Variants in DPYSL4 observed in about 807,000 individuals in gnomAD.
The protein encoded by DPYSL4 is dihydropyrimidinase like 4.
A neutral mutation model predicts 63.4 loss-of-function variants in DPYSL4; 43 were observed. The ratio of observed to expected loss-of-function variants is 0.68; its 90% confidence interval spans 0.53 to 0.88. DPYSL4 has a LOEUF of 0.88. DPYSL4 is among the 40% of genes least tolerant of loss of function. The probability of loss-of-function intolerance (pLI) is 0.00; values close to 1 mark genes in which losing one functional copy is unlikely to be tolerated. For synonymous variants in DPYSL4, 353 were observed against 331.7 expected (o/e 1.06, Z -0.70); for missense variants, 733 against 819.5 (o/e 0.89, Z 1.29).
intron 13 of DPYSL4, 150 bp from the exon 14 acceptor site, chr10:132,204,688 TG>T: frequency 1.7e-6 from 1 of 572,472 alleles, no homozygotes. Context: ...GCCGGGCACC[TG>T]GTCTGCTTGG....
chr10:132,198,302 G>T, intron 6 of DPYSL4, 113 bp from the exon 7 acceptor site: 1 of 958,356 alleles, frequency 1.0e-6, no homozygotes, highest in South Asian at 1.6e-5. Context: ...AATTCTGGGA[G>T]GCCTGGGGGT....
chr10:132,194,182 G>A (rs1356572689), intron 3 of DPYSL4, among the ~76,000 whole-genome samples: 1 of 152,274 alleles, frequency 6.6e-6, no homozygotes, highest in Non-Finnish European at 1.5e-5. Context: ...ATCTTGTTGG[G>A]ATGAGTAGGG....
intron 2 of DPYSL4, among the ~76,000 whole-genome samples, chr10:132,191,319 C>T (rs536469347): frequency 6.8e-6 from 1 of 146,682 alleles, no homozygotes; most frequent in Non-Finnish European, 1.5e-5. Flanking sequence ...CTCTTGTGTA[C>T]ACACTGGCCA....
rs138749455 is a variant in DPYSL4 at position 132,193,486 on chromosome 10, G to A, written c.313+644G>A. ...TTTAACAGGTGGGTGAGTGGAGTCC[G>A]CCTGCCCACCACGAGCACGTGGTGA... On this transcript the variant is annotated intron_variant, in intron 3 of 13. Transcript: ENST00000338492. Among the ~76,000 whole-genome samples, 7 of 152,316 alleles carry A rather than the reference G, an allele frequency of 4.6e-5. No homozygotes were observed. The East Asian group carries it at 7.7e-4, about 17-fold the overall frequency.
chr10:132,200,084 C>T (rs994878004), intron 8 of DPYSL4, among the ~76,000 whole-genome samples: 9 of 152,268 alleles, frequency 5.9e-5, no homozygotes, highest in East Asian at 3.9e-4. Context: ...CTGGAGTGCC[C>T]GGGGTCCTGG....
At chr10:132,190,993 C>T (rs895017862) in intron 2 of DPYSL4, among the ~76,000 whole-genome samples, 158 bp downstream of exon 2, 2 of 148,652 alleles carry the variant, frequency 1.3e-5, no homozygotes, top group South Asian at 2.1e-4. Context: ...CGTGTGTACA[C>T]GCTGGCCACG....
At chr10:132,194,015 C>T (rs903399808) in intron 3 of DPYSL4, among the ~76,000 whole-genome samples, 4 of 152,274 alleles carry the variant, frequency 2.6e-5, no homozygotes, top group Non-Finnish European at 5.9e-5. Flanking sequence ...CCACCTGCCT[C>T]GTGCCAGTGC....
intron 3 of DPYSL4, among the ~76,000 whole-genome samples, chr10:132,194,336 G>A (rs939097351): frequency 6.6e-6 from 1 of 152,250 alleles, no homozygotes; most frequent in African/African-American, 2.4e-5. Flanking sequence ...TGGTGGGGCA[G>A]CAGCATGATG....
At chr10:132,187,374 C>CTGCCCGGCCTTGCCCGGCCT (rs1232873825) in intron 1 of DPYSL4, among the ~76,000 whole-genome samples, 3 of 17,136 alleles carry the variant, frequency 1.8e-4, no homozygotes, top group African/African-American at 3.0e-4. Flanking sequence ...CTGCCGGGCC[C>CTGCCCGGCCTTGCCCGGCCT]TGCCCGGCCT....
chr10:132,199,060 C>T lies in DPYSL4; in HGVS notation c.811+89C>T, dbSNP rs536901532. On this transcript the variant is annotated intron_variant, in intron 8 of 13. Transcript: ENST00000338492. The stretch of plus-strand genomic sequence containing the variant: ...TGGGGAGATGCAGGTTCCCTGAGTC[C>T]CTGCATCGGGGCGGGGCACTGGACC... 18 of 1,503,360 alleles carry T rather than the reference C, an allele frequency of 1.2e-5. 1 individual carries two copies. In the South Asian group the frequency reaches 1.4e-4, roughly 12 times the overall value. 93.1% of individuals were successfully genotyped at this position (1,503,360 alleles called of 1,614,324 possible). A position where few individuals can be genotyped will look rare whatever the true frequency, so the allele number is the denominator to read the frequency against.
chr10:132,200,072 C>T (rs544662507), intron 8 of DPYSL4, among the ~76,000 whole-genome samples: 3 of 152,286 alleles, frequency 2.0e-5, no homozygotes, highest in South Asian at 2.1e-4. Context: ...GCCCTGGCCC[C>T]GCTGGAGTGC....
At chr10:132,204,024 A>G (rs1304960145) in intron 13 of DPYSL4, 97 bp downstream of exon 13, 18 of 1,448,882 alleles carry the variant, frequency 1.2e-5, no homozygotes, top group Non-Finnish European at 1.7e-5. Context: ...GAGGGGCTGC[A>G]CACGGAAGGC....
rs1231868314 is a variant in DPYSL4, at chr10:132,187,398, C to T, written c.39+296C>T. ...CCTGCCCGGCCTTGCCCGGCCTTGC[C>T]GGCTTCCGGGAGCCTCGGCTGCGCC... is the stretch of plus-strand genomic sequence containing the variant. On this transcript the variant is annotated intron_variant, in intron 1 of 13. Transcript: ENST00000338492. 6.0e-5 allele frequency among the ~76,000 whole-genome samples: 9 copies of T among 150,550 alleles called. 1 individual carries two copies. Among genetic ancestry groups the T allele is most frequent in the African/African-American group, 1.5e-4 (6 of 41,000 alleles).
chr10:132,199,944 C>A (rs1211221966), intron 8 of DPYSL4, among the ~76,000 whole-genome samples: 1 of 152,092 alleles, frequency 6.6e-6, no homozygotes, highest in African/African-American at 2.4e-5. Flanking sequence ...CATTTCTCCC[C>A]CACCCACTGG....
intron 1 of DPYSL4, 114 bp from the exon 2 acceptor site, chr10:132,190,633 G>A (rs968738481): frequency 6.9e-5 from 66 of 962,968 alleles, no homozygotes; most frequent in Middle Eastern, 2.2e-4. Flanking sequence ...TCGTTTTTAC[G>A]TCTAGAAATT....
chr10:132,201,913 C>T (rs746528744), intron 10 of DPYSL4, 33 bp from the exon 11 acceptor site: 12 of 1,592,134 alleles, frequency 7.5e-6, no homozygotes, highest in South Asian at 2.3e-5. Context: ...CAACCCCACC[C>T]GTCGCCCTCA....
chr10:132,198,905 CCGCTGTA>C lies in DPYSL4; in HGVS notation c.748_754del (p.Leu250SerfsTer4), dbSNP rs2061977659. On this transcript the variant is annotated frameshift_variant, in exon 8 of 14. Coordinates refer to ENST00000338492, the MANE Select transcript of DPYSL4 (RefSeq NM_006426.3). LOFTEE classifies it high-confidence loss of function. ...CACCATCGCCAAGCAGGCAAACTGC[CCGCTGTA>C]CGTCACCAAGGTGATGAGCAAGGGG... 6.2e-7 allele frequency: 1 copy of C among 1,612,980 alleles called. No homozygotes were observed. The highest frequency in any genetic ancestry group is 8.5e-7 in the Non-Finnish European group (1 of 1,179,928).
intron 13 of DPYSL4, among the ~76,000 whole-genome samples, chr10:132,204,172 A>G (rs571764132): frequency 1.3e-5 from 2 of 152,332 alleles, no homozygotes; most frequent in South Asian, 4.1e-4. Flanking sequence ...AGACAGTGGC[A>G]CTGGGGTGAG....
chr10:132,200,013 G>A (rs1473606218), intron 8 of DPYSL4, among the ~76,000 whole-genome samples: 4 of 152,258 alleles, frequency 2.6e-5, no homozygotes, highest in Admixed American at 1.3e-4. Context: ...GGGCACCCCC[G>A]GCCAGTCAGC....
Sources: allele counts gnomAD v4.1 joint callset (sites outside exome capture counted in the v4.1 genomes callset), GRCh38; gene constraint gnomAD v4.1.1; transcripts MANE v1.5; gene names NCBI Gene and HGNC (gene_info 2026-07-23, HGNC 2026-07-21).